Variants in HOXA6 observed in about 807,000 individuals in gnomAD.
The protein encoded by HOXA6 is homeobox protein Hox-A6.
A neutral mutation model predicts 23.2 loss-of-function variants in HOXA6; 19 were observed. That is an observed-to-expected ratio of 0.82 (90% CI 0.57 to 1.20). The LOEUF (loss-of-function observed/expected upper bound fraction) is 1.20. HOXA6 is among the 50% of genes most tolerant of loss of function. HOXA6 has a pLI of 0.00. For missense variants in HOXA6, 346 were observed against 313.6 expected (o/e 1.10, Z -0.78); for synonymous variants, 140 against 132.6 (o/e 1.06, Z -0.38).
At position 27,145,765 on chromosome 7, in the gene HOXA6, T is replaced by C; in HGVS notation, c.595A>G (p.Ile199Val). 1 of 1,614,234 alleles carries C rather than the reference T, an allele frequency of 6.2e-7. No homozygotes were observed. The highest frequency in any genetic ancestry group is 8.5e-7 in the Non-Finnish European group (1 of 1,180,044). ...CGGCGGTTCTGGAACCAGATCTTGA[T>C]CTGGCGCTCGGTGAGGCAGAGCGCG... The part of the protein sequence containing the change: ...ANALCLTERQ[I>V]KIWFQNRRMK... The change falls in exon 2 of 2, where the codon ATC becomes GTC. Residue 199 changes from isoleucine to valine, a missense_variant. Coordinates refer to ENST00000222728, the MANE Select transcript of HOXA6 (RefSeq NM_024014.4).
At position 27,147,637 on chromosome 7, in the gene HOXA6, A is replaced by C. The variant is rs767355550; in HGVS notation, c.113T>G (p.Phe38Cys). ...ACTCGACGCCCCGTACGAGGCCGGG[A>C]AGGGCCTCAGCGCGTCATAGCCAGC... The part of the protein sequence containing the change: ...YQAGYDALRP[F>C]PASYGASSLP... The change falls in exon 1 of 2, where the codon TTC becomes TGC. Residue 38 changes from phenylalanine (F) to cysteine (C), a missense_variant. By Grantham distance (205) the Phe-to-Cys change is radical. Transcript: ENST00000222728. 1.2e-6 allele frequency: 2 copies of C among 1,614,180 alleles called. No homozygotes were observed. The highest frequency in any genetic ancestry group is 1.7e-6 in the Non-Finnish European group (2 of 1,180,024).
At position 27,145,799 on chromosome 7, in the gene HOXA6, C is replaced by A; in HGVS notation, c.561G>T (p.Glu187Asp). The A allele has an allele frequency of 6.2e-7, 1 of 1,614,272 alleles. No individual in the cohort carries two copies. The highest frequency in any genetic ancestry group is 8.5e-7 in the Non-Finnish European group (1 of 1,180,050). Residue 187 changes from glutamate (E) to aspartate (D), a missense_variant, in exon 2 of 2, where the codon GAG becomes GAT. By Grantham distance (45) the Glu-to-Asp change is conservative. Transcript: ENST00000222728. ...NRYLTRRRRIEIANALCLTER... is the reference protein window; with the variant it reads ...NRYLTRRRRIDIANALCLTER... ...CGGTGAGGCAGAGCGCGTTGGCGAT[C>A]TCGATGCGGCGGCGCCGTGTCAGGT...
chr7:27,147,475 C>A lies in HOXA6; in HGVS notation c.275G>T (p.Gly92Val). The A allele has an allele frequency of 1.9e-6, 3 of 1,614,124 alleles. No homozygotes were observed. The highest frequency in any genetic ancestry group is 2.5e-6 in the Non-Finnish European group (3 of 1,180,040). Residue 92 changes from glycine to valine, a missense_variant, in exon 1 of 2, where the codon GGC becomes GTC. Transcript: ENST00000222728. ...DKDLSGASPS[G>V]SGKQRGPGDY... ...CCCGGGGCCCCTCTGCTTGCCACTGCCCGAGGGCGAGGCGCCACTGAGGTC... is the reference window on the plus strand; with the variant it reads ...CCCGGGGCCCCTCTGCTTGCCACTGACCGAGGGCGAGGCGCCACTGAGGTC...
chr7:27,146,239 GTGTGTGTGTGTT>G (rs1782761857), intron 1 of HOXA6, among the ~76,000 whole-genome samples: 1 of 99,870 alleles, frequency 1.0e-5, no homozygotes, highest in African/African-American at 3.7e-5. Flanking sequence ...GATGCAGGGT[GTGTGTGTGTGTT>G]TGTGTGTGTG....
At chr7:27,146,680 T>TG (rs932469337) in intron 1 of HOXA6, among the ~76,000 whole-genome samples, 4 of 151,870 alleles carry the variant, frequency 2.6e-5, no homozygotes, top group African/African-American at 7.3e-5. Context: ...CCAAGGGTGG[T>TG]GGGGGGTCCC....
intron 1 of HOXA6, 119 bp downstream of exon 1, chr7:27,147,187 CTT>C: frequency 9.6e-7 from 1 of 1,044,786 alleles, no homozygotes; most frequent in Non-Finnish European, 1.4e-6. Flanking sequence ...GCCAAAGAAA[CTT>C]TGCTGGTTCT....
At position 27,145,870 on chromosome 7, in the gene HOXA6, G is replaced by C; in HGVS notation, c.490C>G (p.Arg164Gly). 2 of 1,614,202 alleles carry C rather than the reference G, an allele frequency of 1.2e-6. No individual in the cohort carries two copies. The highest frequency in any genetic ancestry group is 1.7e-6 in the Non-Finnish European group (2 of 1,180,044). ...TTCTCCAGCTCCAGTGTCTGGTAGC[G>C]CGTGTAGGTCTGGCGGCCTCGGCGC... Reference protein sequence around the residue: ...HGRRGRQTYTRYQTLELEKEF... With the variant: ...HGRRGRQTYTGYQTLELEKEF... The change falls in exon 2 of 2, where the codon CGC (arginine) becomes GGC (glycine). Residue 164 changes from arginine to glycine, a missense_variant. Transcript: ENST00000222728.
chr7:27,145,928 A>AAACGGCC lies in HOXA6; in HGVS notation c.443-18_443-12dup, dbSNP rs1194596930. 1 of 1,609,778 alleles carries AAACGGCC rather than the reference A, an allele frequency of 6.2e-7. No individual in the cohort carries two copies. The highest frequency in any genetic ancestry group is 1.7e-4 in the Middle Eastern group (1 of 6,054). ...TCCCATACACAGCACCTACGAGCAG[A>AAACGGCC]AACGGCCGGGCGCCGGTAAGCCAGG... is the stretch of plus-strand genomic sequence containing the variant. On this transcript the variant is annotated splice_polypyrimidine_tract_variant and intron_variant, in intron 1 of 1. Transcript: ENST00000222728.
Position 27,147,299 on chromosome 7 carries a change from A to T in HOXA6, c.442+9T>A, listed in dbSNP as rs760136063. The T allele has an allele frequency of 6.2e-7, 1 of 1,610,206 alleles. No individual in the cohort carries two copies. Among genetic ancestry groups the T allele is most frequent in the Non-Finnish European group, 8.5e-7 (1 of 1,178,246 alleles). On this transcript the variant is annotated intron_variant, in intron 1 of 1. Transcript: ENST00000222728. ...CCCTCTCCCTCCACTGTCTTGGGAT[A>T]TGTCTTACCCGCGCAGGAGTTCATC...
intron 1 of HOXA6, 155 bp downstream of exon 1, chr7:27,147,153 T>A (rs1415492764): frequency 3.8e-6 from 3 of 781,736 alleles, no homozygotes; most frequent in Non-Finnish European, 6.0e-6. Context: ...CATTGGGAAC[T>A]GATTTTTTCT....
At chr7:27,146,889 G>A (rs1371016119) in intron 1 of HOXA6, among the ~76,000 whole-genome samples, 1 of 152,222 alleles carries the variant, frequency 6.6e-6, no homozygotes, top group Non-Finnish European at 1.5e-5. Context: ...GTTTCTGAAG[G>A]GCAGAAAGGA....
chr7:27,147,266 C>G, intron 1 of HOXA6, 42 bp downstream of exon 1: 1 of 1,532,992 alleles, frequency 6.5e-7, no homozygotes, highest in Non-Finnish European at 8.9e-7. Flanking sequence ...CTTTTCCTGC[C>G]TCCTTTCCCC....
chr7:27,146,476 A>G (rs553736812), intron 1 of HOXA6, among the ~76,000 whole-genome samples: 1 of 152,208 alleles, frequency 6.6e-6, no homozygotes, highest in Non-Finnish European at 1.5e-5. Flanking sequence ...CCCCAAGGAT[A>G]AAGTGGATGT....
intron 1 of HOXA6, among the ~76,000 whole-genome samples, chr7:27,146,640 T>TTGGGCTGTCTGA (rs1188953538): frequency 6.6e-6 from 1 of 152,090 alleles, no homozygotes; most frequent in African/African-American, 2.4e-5. Context: ...TAGGATTGTG[T>TTGGGCTGTCTGA]TGGGCTGTCT....
rs1397281757 is a variant in HOXA6 at position 27,147,533 on chromosome 7, C to T, written c.217G>A (p.Glu73Lys). The T allele has an allele frequency of 2.5e-6, 4 of 1,614,090 alleles. No individual in the cohort carries two copies. Among genetic ancestry groups the T allele is most frequent in the Admixed American group, 3.3e-5 (2 of 60,010 alleles). ...SVLACNRASY[E>K]YGASCFYSDK... The stretch of plus-strand genomic sequence containing the variant: ...GAATAGAAACACGAGGCCCCGTACT[C>T]GTAGGACGCCCGGTTGCAGGCCAGG... The change falls in exon 1 of 2, where the codon GAG becomes AAG. Residue 73 changes from glutamate to lysine, a missense_variant. Glu to Lys is a moderately conservative substitution (Grantham distance 56). Transcript: ENST00000222728.
Position 27,145,889 on chromosome 7 carries a change from T to C in HOXA6, c.471A>G (p.Arg157=). 1.2e-6 allele frequency: 2 copies of C among 1,612,456 alleles called. No homozygotes were observed. Among genetic ancestry groups the C allele is most frequent in the Non-Finnish European group, 1.7e-6 (2 of 1,179,504 alleles). Residue 157 remains arginine (R), a synonymous_variant, in exon 2 of 2, where the codon CGA becomes CGG. Coordinates refer to ENST00000222728, the MANE Select transcript of HOXA6 (RefSeq NM_024014.4). ...AGAVYGSHGR[R]GRQTYTRYQT... is the part of the protein sequence containing the mutation. ...GGTAGCGCGTGTAGGTCTGGCGGCCTCGGCGCCCATGGCTCCCATACACAG... is the reference window on the plus strand; with the variant it reads ...GGTAGCGCGTGTAGGTCTGGCGGCCCCGGCGCCCATGGCTCCCATACACAG...
In HOXA6 at chr7:27,145,633, G is replaced by C. The variant is rs749671837; in HGVS notation, c.*25C>G. On this transcript the variant is annotated 3_prime_UTR_variant, in exon 2 of 2. Transcript: ENST00000222728. ...GGGCAAAGCCGAAGGAGGTTGCAGC[G>C]CTGGCCTGGTCCCTGCCCAGGCATC... 6 of 1,604,946 alleles carry C rather than the reference G, an allele frequency of 3.7e-6. No homozygotes were observed. The highest frequency in any genetic ancestry group is 1.8e-4 in the Middle Eastern group (1 of 5,500).
rs1782828691 is a variant in HOXA6 at position 27,147,733 on chromosome 7, A to C, written c.17T>G (p.Val6Gly). The change falls in exon 1 of 2, where the codon GTG becomes GGG. Residue 6 changes from valine to glycine, a missense_variant. Val to Gly is a moderately radical substitution (Grantham distance 109). Coordinates refer to ENST00000222728, the MANE Select transcript of HOXA6 (RefSeq NM_024014.4). ...AAGGCTCCCGGGGAAAGTGGGATTC[A>C]CAAAATAGGAACTCATTTGCGCGCC... MSSYF[V>G]NPTFPGSLPS... The C allele has an allele frequency of 2.5e-6, 4 of 1,608,612 alleles. No individual in the cohort carries two copies. Among genetic ancestry groups the C allele is most frequent in the Non-Finnish European group, 3.4e-6 (4 of 1,179,106 alleles).
Position 27,147,345 on chromosome 7 carries a change from C to A in HOXA6, c.405G>T (p.Pro135=), listed in dbSNP as rs572360973. Reference sequence around the variant, plus strand: ...TCATCCGCTGCATCCAAGGGTAAACCGGGCTCGTGTACTTCCGGTCGGCGC... The same window carrying A: ...TCATCCGCTGCATCCAAGGGTAAACAGGGCTCGTGTACTTCCGGTCGGCGC... ...DEGADRKYTS[P]VYPWMQRMNS... is the part of the protein sequence containing the mutation. The change falls in exon 1 of 2, where the codon CCG becomes CCT. Residue 135 remains proline (P), a synonymous_variant. Coordinates refer to ENST00000222728, the MANE Select transcript of HOXA6 (RefSeq NM_024014.4). The A allele has an allele frequency of 6.2e-7, 1 of 1,614,158 alleles. No individual in the cohort carries two copies. Among genetic ancestry groups the A allele is most frequent in the South Asian group, 1.1e-5 (1 of 91,080 alleles).
Sources: gnomAD v4.1 joint callset for allele counts (sites outside exome capture counted in the v4.1 genomes callset) on GRCh38, gnomAD v4.1.1 for gene constraint, MANE v1.5 for transcripts, NCBI Gene and HGNC (gene_info 2026-07-23, HGNC 2026-07-21) for gene names.